DNAH10: variants seen among roughly 807,000 people sequenced by gnomAD.
DNAH10 encodes the protein axonemal beta dynein heavy chain 10.
A neutral mutation model predicts 506.6 loss-of-function variants in DNAH10; 348 were observed. That is an observed-to-expected ratio of 0.69 (90% CI 0.63 to 0.75). DNAH10 has a LOEUF of 0.75. DNAH10 is among the 30% of genes least tolerant of loss of function. The pLI is 0.00. For synonymous variants in DNAH10, 2,059 were observed against 2,198.6 expected (o/e 0.94, Z 1.78); for missense variants, 5,179 against 5,787.1 (o/e 0.89, Z 3.41).
In DNAH10 at chr12:123,803,801, G is replaced by A. The variant is rs745343777; in HGVS notation, c.2755G>A (p.Ala919Thr). ...EAINLFKYPA[A>T]KSEEELPGVK... ...CATAAATCTCTTTAAATATCCAGCC[G>A]CTAAAAGTGAGGAAGAACTCCCAGG... The change falls in exon 17 of 79, where the codon GCT (alanine) becomes ACT (threonine). Residue 919 changes from alanine to threonine, a missense_variant. Ala to Thr is a moderately conservative substitution (Grantham distance 58, BLOSUM62 0). Transcript: ENST00000673944. 16 of 1,610,770 alleles carry A rather than the reference G, an allele frequency of 9.9e-6. No individual in the cohort carries two copies. Among genetic ancestry groups the A allele is most frequent in the Admixed American group, 8.5e-5 (5 of 58,716 alleles).
At chr12:123,833,371 A>G (rs1477121639) in intron 27 of DNAH10, 24 bp downstream of exon 27, 4 of 1,580,990 alleles carry the variant, frequency 2.5e-6, no homozygotes, top group South Asian at 1.1e-5. Context: ...TGAACAAAAG[A>G]TGGATTAGAG....
chr12:123,915,558 AC>A (rs34003933), intron 62 of DNAH10, among the ~76,000 whole-genome samples: 46,710 of 151,744 alleles, frequency 0.31, 7,915 homozygotes, highest in African/African-American at 0.46. Flanking sequence ...CCTGGCAGCC[AC>A]TCATCTGCTT....
intron 5 of DNAH10, among the ~76,000 whole-genome samples, chr12:123,775,200 C>T (rs1159094335): frequency 6.6e-6 from 1 of 152,188 alleles, no homozygotes; most frequent in Non-Finnish European, 1.5e-5. Context: ...ACTGCAGCCT[C>T]AACTCTCAAG....
At chr12:123,877,709 TG>T (rs113178558) in intron 47 of DNAH10, 26 bp from the exon 48 acceptor site, 106 of 1,531,134 alleles carry the variant, frequency 6.9e-5, no homozygotes, top group Admixed American at 1.5e-4. Context: ...ATTTGTGTGT[TG>T]GGGGGGGTGT....
intron 5 of DNAH10, among the ~76,000 whole-genome samples, chr12:123,779,604 G>GGAGA (rs33916907): frequency 0.72 from 107,543 of 149,564 alleles, 39,212 homozygotes; most frequent in East Asian, 0.99. Context: ...TGGGGGTGGG[G>GGAGA]GAGAGAGAGA....
chr12:123,837,052 C>T (rs554699289), intron 28 of DNAH10, among the ~76,000 whole-genome samples: 4 of 151,150 alleles, frequency 2.6e-5, no homozygotes, highest in African/African-American at 7.3e-5. Flanking sequence ...GGGGTTTCAC[C>T]GTGTTAGCCA....
At chr12:123,934,110 G>A in intron 77 of DNAH10, 1 of 614,046 alleles carries the variant, frequency 1.6e-6, no homozygotes. Context: ...AGGGGAGGTG[G>A]CAGGTGTCCG....
intron 1 of DNAH10, among the ~76,000 whole-genome samples, 174 bp from the exon 2 acceptor site, chr12:123,767,432 G>C (rs957383648): frequency 6.6e-6 from 1 of 152,160 alleles, no homozygotes; most frequent in African/African-American, 2.4e-5. Flanking sequence ...CTCCTTGGCT[G>C]TCACTGAAAG....
chr12:123,861,388 G>A (rs1314898424), intron 39 of DNAH10, among the ~76,000 whole-genome samples: 3 of 152,212 alleles, frequency 2.0e-5, no homozygotes, highest in Admixed American at 1.3e-4. Context: ...GGTAGGTACC[G>A]GGATTGTTCC....
chr12:123,879,402 A>G, intron 49 of DNAH10, 45 bp downstream of exon 49: 1 of 1,542,942 alleles, frequency 6.5e-7, no homozygotes, highest in Non-Finnish European at 8.7e-7. Flanking sequence ...TTCTCAGGAA[A>G]ATAAACAAGC....
At chr12:123,866,173 G>T (rs1951796895) in intron 41 of DNAH10, 100 bp downstream of exon 41, 1 of 855,268 alleles carries the variant, frequency 1.2e-6, no homozygotes. Flanking sequence ...CGATGACTTT[G>T]TCCTTGACCT....
At chr12:123,807,905 G>A (rs369506493) in intron 18 of DNAH10, among the ~76,000 whole-genome samples, 68 of 109,464 alleles carry the variant, frequency 6.2e-4, no homozygotes, top group South Asian at 9.8e-4. Flanking sequence ...GAAGAGAGAG[G>A]GGAGAGAGAG....
intron 8 of DNAH10, 105 bp downstream of exon 8, chr12:123,784,282 C>T: frequency 1.7e-6 from 2 of 1,160,780 alleles, no homozygotes; most frequent in East Asian, 2.5e-5. Context: ...AGCAGTGGCT[C>T]ATGCCTGTAA....
rs764315320 is a variant in DNAH10, at chr12:123,913,329, A to T, written c.10352+14A>T. 6.4e-7 allele frequency: 1 copy of T among 1,567,278 alleles called. No homozygotes were observed. Among genetic ancestry groups the T allele is most frequent in the South Asian group, 1.2e-5 (1 of 85,674 alleles). On this transcript the variant is annotated intron_variant, in intron 60 of 78. Transcript: ENST00000673944. The surrounding 1 kb of genome is among the most constrained non-coding windows in gnomAD (Gnocchi z 5.1). Reference sequence around the variant, plus strand: ...AGAAAACATCAGGTTAGCGCTGCTCACGAGCCCACCTGTTGCGGTTTGTAA... The same window carrying T: ...AGAAAACATCAGGTTAGCGCTGCTCTCGAGCCCACCTGTTGCGGTTTGTAA...
At chr12:123,933,982 C>T in intron 77 of DNAH10, 1 of 478,512 alleles carries the variant, frequency 2.1e-6, no homozygotes, top group Non-Finnish European at 3.7e-6. Flanking sequence ...ACTGCTGTTT[C>T]CCCGGGTCCA....
rs1477256412 is a variant in DNAH10, at chr12:123,903,014, A to G, written c.9716A>G (p.Lys3239Arg). The G allele has an allele frequency of 6.2e-7, 1 of 1,602,170 alleles. No homozygotes were observed. ...CAGAACAAAGTCATTGCCATGGAGA[A>G]GGCCGAGGCCGAGACGACCCTGGCA... ...EEQNKVIAME[K>R]AEAETTLAEV... The change falls in exon 57 of 79, where the codon AAG (lysine) becomes AGG (arginine). Residue 3239 changes from lysine (K) to arginine (R), a missense_variant. By Grantham distance (26) the Lys-to-Arg change is conservative. Coordinates refer to ENST00000673944, the MANE Select transcript of DNAH10 (RefSeq NM_001372106.1). The surrounding 1 kb of genome is among the most constrained non-coding windows in gnomAD (Gnocchi z 4.6).
In DNAH10 at chr12:123,838,447, CTGGTCCAGATCA is replaced by C; in HGVS notation, c.4903-5_4909del. ...CCCTGCTTGACGGCTGTCCTCTGTT[CTGGTCCAGATCA>C]TGGGTGAGACCTTAAAAGACCCCGT... On this transcript the variant is annotated splice_acceptor_variant and splice_polypyrimidine_tract_variant and coding_sequence_variant and intron_variant, in exon 29 of 79. Coordinates refer to ENST00000673944, the MANE Select transcript of DNAH10 (RefSeq NM_001372106.1). LOFTEE classifies it high-confidence loss of function. 1 of 1,610,246 alleles carries C rather than the reference CTGGTCCAGATCA, an allele frequency of 6.2e-7. No homozygotes were observed. Among genetic ancestry groups the C allele is most frequent in the Non-Finnish European group, 8.5e-7 (1 of 1,177,920 alleles).
chr12:123,842,762 G>A (rs1288626523), intron 30 of DNAH10, among the ~76,000 whole-genome samples: 1 of 152,154 alleles, frequency 6.6e-6, no homozygotes, highest in East Asian at 1.9e-4. Context: ...AATTTCCATG[G>A]TGCAAATATT....
At chr12:123,763,377 GC>G (rs1956900757) in intron 1 of DNAH10, among the ~76,000 whole-genome samples, 1 of 137,986 alleles carries the variant, frequency 7.2e-6, no homozygotes. Flanking sequence ...AGGAGCACCA[GC>G]TGGAGCACAG....
Sources: allele counts gnomAD v4.1 joint callset (sites outside exome capture counted in the v4.1 genomes callset), GRCh38; gene constraint gnomAD v4.1.1; non-coding constraint Gnocchi (gnomAD v3.1); transcripts MANE v1.5; gene names NCBI Gene and HGNC (gene_info 2026-07-23, HGNC 2026-07-21).